ARK2N: variants seen among roughly 807,000 people sequenced by gnomAD.
The protein encoded by ARK2N is arkadia (RNF111) N-terminal like PKA signaling regulator 2N.
At chr18:46,243,399 C>CT in the ARK2N span, among the ~76,000 whole-genome samples, 1 of 152,138 alleles carries the variant, frequency 6.6e-6, no homozygotes, top group Non-Finnish European at 1.5e-5. Flanking sequence ...CAGGGGTTCA[C>CT]TTTAATCAAC....
chr18:46,248,068 G>A, the ARK2N span, among the ~76,000 whole-genome samples: 2 of 152,232 alleles, frequency 1.3e-5, no homozygotes, highest in Admixed American at 1.3e-4. Flanking sequence ...AGTAGAGAGA[G>A]ACTAACATAG....
the ARK2N span, among the ~76,000 whole-genome samples, chr18:46,224,456 C>G: frequency 6.6e-6 from 1 of 152,146 alleles, no homozygotes; most frequent in Non-Finnish European, 1.5e-5. Context: ...GGCCAGCTGA[C>G]AAAACAACTT....
the ARK2N span, chr18:46,216,889 A>T: frequency 6.3e-6 from 2 of 314,988 alleles, no homozygotes; most frequent in Non-Finnish European, 5.9e-6. This position sits in a 1 kb window ranked among gnomAD's most constrained non-coding sequence, Gnocchi z 4.3. Flanking sequence ...CTGAACTCCC[A>T]ATCATTGCCT....
At chr18:46,208,500 T>C in the ARK2N span, among the ~76,000 whole-genome samples, 1 of 132,792 alleles carries the variant, frequency 7.5e-6, no homozygotes, top group Non-Finnish European at 1.6e-5. Context: ...AGATGAAGTC[T>C]CGCTCTGTCA....
the ARK2N span, among the ~76,000 whole-genome samples, chr18:46,181,628 T>C: frequency 2.0e-5 from 3 of 152,070 alleles, no homozygotes; most frequent in East Asian, 3.9e-4. Flanking sequence ...GGCAGGAGAA[T>C]GGCATGAACC....
the ARK2N span, among the ~76,000 whole-genome samples, chr18:46,255,445 C>CTTTTTTTTTTTTTTTTTTTTTTTTTT: frequency 2.6e-5 from 2 of 77,742 alleles, no homozygotes; most frequent in African/African-American, 6.1e-5. Context: ...CTTTTCTTTT[C>CTTTTTTTTTTTTTTTTTTTTTTTTTT]TTTTTTTTTT....
chr18:46,223,861 T>C, the ARK2N span, among the ~76,000 whole-genome samples: 1 of 152,160 alleles, frequency 6.6e-6, no homozygotes, highest in African/African-American at 2.4e-5. Flanking sequence ...ATGTGAATAA[T>C]AATAAAGCAG....
At chr18:46,220,341 T>C in the ARK2N span, among the ~76,000 whole-genome samples, 2 of 152,182 alleles carry the variant, frequency 1.3e-5, no homozygotes, top group Non-Finnish European at 2.9e-5. Flanking sequence ...CACCCATTAC[T>C]CACCATACAT....
At chr18:46,181,384 T>C in the ARK2N span, among the ~76,000 whole-genome samples, 1 of 152,158 alleles carries the variant, frequency 6.6e-6, no homozygotes, top group Non-Finnish European at 1.5e-5. Flanking sequence ...ACATTAAATC[T>C]GTTAAAACTT....
the ARK2N span, among the ~76,000 whole-genome samples, chr18:46,258,423 C>G: frequency 1.3e-5 from 2 of 152,070 alleles, no homozygotes; most frequent in Non-Finnish European, 2.9e-5. Flanking sequence ...CTAACTATAT[C>G]AAAAGTTGAC....
At chr18:46,263,006 C>T in the ARK2N span, 4 of 1,614,124 alleles carry the variant, frequency 2.5e-6, no homozygotes, top group Middle Eastern at 6.6e-4. Context: ...TATGTTAGCA[C>T]CAGGCAAACA....
chr18:46,200,808 A>G, the ARK2N span, among the ~76,000 whole-genome samples: 2 of 151,992 alleles, frequency 1.3e-5, no homozygotes, highest in African/African-American at 2.4e-5. Context: ...CAGTGACACT[A>G]ATGCAGCAGT....
the ARK2N span, among the ~76,000 whole-genome samples, chr18:46,252,672 A>G: frequency 1.6e-4 from 25 of 152,196 alleles, no homozygotes; most frequent in Non-Finnish European, 5.9e-5. Flanking sequence ...AAATAAAAAT[A>G]CCCTTTAGAG....
chr18:46,190,906 A>AGT, the ARK2N span, among the ~76,000 whole-genome samples: 1 of 152,154 alleles, frequency 6.6e-6, no homozygotes, highest in African/African-American at 2.4e-5. Context: ...AGATGGCTGT[A>AGT]GTGTGTGTGT....
At chr18:46,254,529 T>G in the ARK2N span, among the ~76,000 whole-genome samples, 1 of 152,222 alleles carries the variant, frequency 6.6e-6, no homozygotes, top group East Asian at 1.9e-4. Context: ...ATTTTTACCT[T>G]TTTAGGTGGC....
At chr18:46,248,451 A>G in the ARK2N span, among the ~76,000 whole-genome samples, 12 of 152,284 alleles carry the variant, frequency 7.9e-5, no homozygotes, top group African/African-American at 2.6e-4. Flanking sequence ...CCAGGTGCTT[A>G]TATTTTGTAG....
chr18:46,251,026 G>A, the ARK2N span, among the ~76,000 whole-genome samples: 1 of 152,166 alleles, frequency 6.6e-6, no homozygotes, highest in East Asian at 1.9e-4. Context: ...TTCATTGAGG[G>A]TAGAGACTAT....
chr18:46,204,141 G>A, the ARK2N span, among the ~76,000 whole-genome samples: 4 of 148,548 alleles, frequency 2.7e-5, no homozygotes, highest in African/African-American at 9.9e-5. Flanking sequence ...AGAATTTTTA[G>A]TATCAATTTT....
chr18:46,185,934 C>G, the ARK2N span, among the ~76,000 whole-genome samples: 1 of 152,034 alleles, frequency 6.6e-6, no homozygotes, highest in Non-Finnish European at 1.5e-5. Context: ...TTTCTGTGAG[C>G]TGAGATCGTG....
Sources: allele counts gnomAD v4.1 joint callset (sites outside exome capture counted in the v4.1 genomes callset), GRCh38; gene constraint gnomAD v4.1.1; non-coding constraint Gnocchi (gnomAD v3.1); transcripts MANE v1.5; gene names NCBI Gene and HGNC (gene_info 2026-07-23, HGNC 2026-07-21).